MCCC1: variants seen among roughly 807,000 people sequenced by gnomAD.
MCCC1 encodes the protein methylcrotonyl-CoA carboxylase subunit 1, also known as methylcrotonoyl-CoA carboxylase subunit alpha, mitochondrial.
MCCC1 carries 64 observed loss-of-function variants against 83.8 expected under a neutral mutation model. That is an observed-to-expected ratio of 0.76 (90% CI 0.62 to 0.94). The LOEUF (loss-of-function observed/expected upper bound fraction) is 0.94, where lower values mean the gene tolerates loss of function less well. Ranked by LOEUF, MCCC1 falls within the 40% of genes least tolerant of loss-of-function variation. MCCC1 has a pLI of 0.00. For missense variants in MCCC1, 807 were observed against 904.7 expected (o/e 0.89, Z 1.39); for synonymous variants, 322 against 315.4 (o/e 1.02, Z -0.22).
chr3:183,096,559 T>C (rs1718753306), intron 1 of MCCC1, among the ~76,000 whole-genome samples: 1 of 152,170 alleles, frequency 6.6e-6, no homozygotes, highest in African/African-American at 2.4e-5. Flanking sequence ...GACTATGTAG[T>C]TGAGCAGGAC....
intron 12 of MCCC1, 34 bp from the exon 13 acceptor site, chr3:183,037,468 G>C (rs756803758): frequency 5.3e-6 from 8 of 1,516,552 alleles, no homozygotes; most frequent in Non-Finnish European, 7.3e-6. Flanking sequence ...TTCCTGCTGA[G>C]TGGGGAAAAC....
At chr3:183,063,978 C>T (rs1441149152) in intron 7 of MCCC1, among the ~76,000 whole-genome samples, 1 of 152,016 alleles carries the variant, frequency 6.6e-6, no homozygotes, top group Non-Finnish European at 1.5e-5. Flanking sequence ...GTTAAAGACC[C>T]CTCTCAATAA....
intron 16 of MCCC1, among the ~76,000 whole-genome samples, chr3:183,021,560 T>C (rs1712164501): frequency 6.6e-6 from 1 of 152,162 alleles, no homozygotes; most frequent in South Asian, 2.1e-4. Context: ...TGTTTATAGA[T>C]AGGAGAGCTA....
At chr3:183,019,603 T>C (rs1419158286) in intron 17 of MCCC1, among the ~76,000 whole-genome samples, 11 of 152,204 alleles carry the variant, frequency 7.2e-5, no homozygotes, top group Non-Finnish European at 8.8e-5. Flanking sequence ...ATTTCTATTG[T>C]TTAAAAGCCA....
At chr3:183,020,063 T>G (rs1310901152) in intron 17 of MCCC1, 67 bp downstream of exon 17, 1 of 1,206,358 alleles carries the variant, frequency 8.3e-7, no homozygotes. Context: ...AGGACATAAA[T>G]GACAAGTTTA....
In MCCC1 at chr3:183,023,877, T is replaced by C. The variant is rs1043213880; in HGVS notation, c.1732-1323A>G. Among the ~76,000 whole-genome samples the C allele has an allele frequency of 2.6e-5, 4 of 152,214 alleles. No homozygotes were observed. In the East Asian group the frequency reaches 5.8e-4, roughly 22 times the overall value. ...TCTAATTGAGGATTACCATGAACTTTACACTAGAGGTTCTCAAAATATGAC... is the reference window on the plus strand; with the variant it reads ...TCTAATTGAGGATTACCATGAACTTCACACTAGAGGTTCTCAAAATATGAC... On this transcript the variant is annotated intron_variant, in intron 15 of 18. Transcript: ENST00000265594.
intron 10 of MCCC1, among the ~76,000 whole-genome samples, chr3:183,042,840 G>A (rs377744507): frequency 3.6e-4 from 55 of 152,122 alleles, no homozygotes; most frequent in African/African-American, 1.3e-3. Flanking sequence ...TCCATCCTTA[G>A]GATCTAGAAC....
intron 9 of MCCC1, among the ~76,000 whole-genome samples, chr3:183,050,556 T>C (rs140217677): frequency 6.6e-6 from 1 of 151,724 alleles, no homozygotes; most frequent in African/African-American, 2.4e-5. Context: ...TGCAAAAAAG[T>C]AGCTGGGTGT....
At chr3:183,079,530 G>A (rs1717333147) in intron 4 of MCCC1, among the ~76,000 whole-genome samples, 1 of 152,202 alleles carries the variant, frequency 6.6e-6, no homozygotes. Flanking sequence ...CTCCAACCTT[G>A]TGGCTTTGCA....
At chr3:183,067,313 A>G (rs1716325778) in intron 7 of MCCC1, among the ~76,000 whole-genome samples, 1 of 152,244 alleles carries the variant, frequency 6.6e-6, no homozygotes, top group African/African-American at 2.4e-5. Context: ...TTGAGGGTAT[A>G]AACCCATGGC....
At chr3:183,103,609 G>T (rs1337093250), upstream of MCCC1, among the ~76,000 whole-genome samples, 2 of 152,198 alleles carry the variant, frequency 1.3e-5, no homozygotes, top group East Asian at 3.8e-4. Context: ...ACAAACCTTG[G>T]TGTATTTACA....
chr3:183,090,720 G>C (rs562083530), intron 3 of MCCC1, among the ~76,000 whole-genome samples: 5 of 152,156 alleles, frequency 3.3e-5, no homozygotes, highest in South Asian at 2.1e-4. Flanking sequence ...CTCCCGAGTA[G>C]CTGGGATTAC....
At chr3:183,041,522 T>C (rs1577275795) in intron 11 of MCCC1, 45 bp downstream of exon 11, 1 of 1,606,362 alleles carries the variant, frequency 6.2e-7, no homozygotes, top group East Asian at 2.2e-5. Flanking sequence ...AATAATGTAC[T>C]AAAAACTTAA....
rs537763266 is a variant in MCCC1 at position 183,035,739 on chromosome 3, T to A, written c.1594+1479A>T. Among the ~76,000 whole-genome samples, 19 of 152,274 alleles carry A rather than the reference T, an allele frequency of 1.2e-4. No homozygotes were observed. In the East Asian group the frequency reaches 3.7e-3, roughly 29 times the overall value. On this transcript the variant is annotated intron_variant, in intron 13 of 18. Transcript: ENST00000265594. ...AAAAGAGAAAAATAGATCAGATTTT[T>A]AAAAATTCTGTTTGCTCCGAAAGTC...
intron 4 of MCCC1, among the ~76,000 whole-genome samples, chr3:183,083,172 T>TGATTTG (rs1249011669): frequency 2.6e-5 from 4 of 152,208 alleles, no homozygotes; most frequent in African/African-American, 9.7e-5. Flanking sequence ...TTCAAATCAC[T>TGATTTG]ATACAAGTGT....
At chr3:183,033,432 G>A (rs1168242400) in intron 14 of MCCC1, among the ~76,000 whole-genome samples, 4 of 152,068 alleles carry the variant, frequency 2.6e-5, no homozygotes, top group African/African-American at 9.7e-5. Context: ...TTCCATACGT[G>A]GGTATAACAG....
intron 7 of MCCC1, among the ~76,000 whole-genome samples, chr3:183,070,094 G>A (rs1577326722): frequency 6.6e-6 from 1 of 152,272 alleles, no homozygotes; most frequent in East Asian, 1.9e-4. Context: ...AGAATTAGAA[G>A]GACAGCAAGA....
intron 10 of MCCC1, among the ~76,000 whole-genome samples, chr3:183,041,983 C>T (rs1024159429): frequency 7.2e-5 from 11 of 152,174 alleles, no homozygotes; most frequent in African/African-American, 2.7e-4. Context: ...TTTTAAATGG[C>T]AAAAGCAGGC....
intron 1 of MCCC1, among the ~76,000 whole-genome samples, chr3:183,094,812 G>A (rs1936764616): frequency 6.6e-6 from 1 of 152,148 alleles, no homozygotes; most frequent in Non-Finnish European, 1.5e-5. Context: ...CCTTGAATGA[G>A]TCACCTAGCC....
Sources: allele counts gnomAD v4.1 joint callset (sites outside exome capture counted in the v4.1 genomes callset), GRCh38; gene constraint gnomAD v4.1.1; transcripts MANE v1.5; gene names NCBI Gene and HGNC (gene_info 2026-07-23, HGNC 2026-07-21).